The following UMAD1 variants were observed in gnomAD, a reference collection of about 807,000 sequenced individuals.
The protein encoded by UMAD1 is UBAP1-MVB12-associated (UMA) domain containing 1, also known as UBAP1-MVB12-associated (UMA)-domain containing protein 1.
Under a neutral mutation model 6.1 loss-of-function variants are expected in UMAD1, and 8 were observed. That is an observed-to-expected ratio of 1.30 (90% confidence interval 0.76 to 2.35). The LOEUF (loss-of-function observed/expected upper bound fraction) is 2.35. Ranked by LOEUF, UMAD1 falls within the 30% of genes most tolerant of loss-of-function variation. UMAD1 has a pLI of 0.00. For missense variants in UMAD1, 130 were observed against 78.4 expected (o/e 1.66, Z -2.49); for synonymous variants, 56 against 31.4 (o/e 1.78, Z -2.61).
intron 2 of UMAD1, among the ~76,000 whole-genome samples, chr7:7,790,851 A>G (rs1368508906): frequency 6.6e-6 from 1 of 152,046 alleles, no homozygotes; most frequent in Non-Finnish European, 1.5e-5. Flanking sequence ...TTGGCTTCTG[A>G]TTATTACATG....
intron 1 of UMAD1, among the ~76,000 whole-genome samples, chr7:7,663,221 A>G (rs1483868745): frequency 7.4e-6 from 1 of 134,746 alleles, no homozygotes; most frequent in African/African-American, 2.7e-5. Context: ...TAAATTGTTT[A>G]CTTCCACTCA....
Position 7,838,969 on chromosome 7 carries a change from G to A in UMAD1, c.156+37226G>A, listed in dbSNP as rs148033210. 3.2e-3 allele frequency among the ~76,000 whole-genome samples: 488 copies of A among 152,124 alleles called. 2 individuals are homozygous for A. The highest frequency in any genetic ancestry group is 0.011 in the African/African-American group (463 of 41,536). On this transcript the variant is annotated intron_variant, in intron 3 of 3. Coordinates refer to ENST00000682710, the MANE Select transcript of UMAD1 (RefSeq NM_001302348.2). Reference sequence around the variant, plus strand: ...AAAGAAGAGCAAAACAAGAATAAACGCAAAATTCAGATTAGCATTTACTTT... The same window carrying A: ...AAAGAAGAGCAAAACAAGAATAAACACAAAATTCAGATTAGCATTTACTTT...
chr7:7,715,758 G>T lies in UMAD1; in HGVS notation c.82+42305G>T, dbSNP rs146916971. On this transcript the variant is annotated intron_variant, in intron 2 of 3. Coordinates refer to ENST00000682710, the MANE Select transcript of UMAD1 (RefSeq NM_001302348.2). ...TCAGAGTATGTAAAGAGATGTAAAAGATGTAAGAAAGAGTTTTGAGTTTTA... is the reference window on the plus strand; with the variant it reads ...TCAGAGTATGTAAAGAGATGTAAAATATGTAAGAAAGAGTTTTGAGTTTTA... Among the ~76,000 whole-genome samples, 328 of 152,246 alleles carry T rather than the reference G, an allele frequency of 2.2e-3. 2 individuals carry two copies. The highest frequency in any genetic ancestry group is 3.5e-3 in the Non-Finnish European group (238 of 68,006).
At chr7:7,815,523 A>G (rs908858346) in intron 3 of UMAD1, among the ~76,000 whole-genome samples, 1 of 152,178 alleles carries the variant, frequency 6.6e-6, no homozygotes, top group Non-Finnish European at 1.5e-5. Context: ...GAAGGTAGTT[A>G]AAGTATTGAT....
chr7:7,854,605 T>C (rs1783980511), intron 3 of UMAD1, among the ~76,000 whole-genome samples: 1 of 152,078 alleles, frequency 6.6e-6, no homozygotes, highest in Non-Finnish European at 1.5e-5. Flanking sequence ...CACTGTGTCC[T>C]TCCCACAACA....
chr7:7,799,891 G>C (rs987048061), intron 2 of UMAD1, among the ~76,000 whole-genome samples: 3 of 152,128 alleles, frequency 2.0e-5, no homozygotes, highest in African/African-American at 7.2e-5. Flanking sequence ...TCTTGTCACT[G>C]TTTTTATCTG....
rs1216633225 is a variant in UMAD1, at chr7:7,801,661, A to G, written c.83-9A>G. On this transcript the variant is annotated splice_polypyrimidine_tract_variant and intron_variant, in intron 2 of 3. Coordinates refer to ENST00000682710, the MANE Select transcript of UMAD1 (RefSeq NM_001302348.2). ...AGTTTTAAAAATAGACATATATTTT[A>G]CTTCATAGGAGATACAACAGATGAG... is the stretch of plus-strand genomic sequence containing the variant. 1.4e-6 allele frequency: 1 copy of G among 716,010 alleles called. No individual in the cohort carries two copies. Among genetic ancestry groups the G allele is most frequent in the Non-Finnish European group, 2.6e-6 (1 of 384,646 alleles). The allele number at this position is 716,010 out of a possible 1,614,324, so 44.4% of individuals were successfully genotyped here.
At chr7:7,657,979 C>A (rs1352278845) in intron 1 of UMAD1, among the ~76,000 whole-genome samples, 1 of 152,054 alleles carries the variant, frequency 6.6e-6, no homozygotes, top group African/African-American at 2.4e-5. Context: ...GTGTCCTCTC[C>A]TATTTCCTTG....
At chr7:7,659,585 G>T (rs1284045811) in intron 1 of UMAD1, among the ~76,000 whole-genome samples, 14 of 152,174 alleles carry the variant, frequency 9.2e-5, no homozygotes, top group Non-Finnish European at 2.1e-4. Context: ...ACAGGAGCAG[G>T]TTGTTCAGTT....
At chr7:7,704,491 C>A (rs1164481046) in intron 2 of UMAD1, among the ~76,000 whole-genome samples, 4 of 150,830 alleles carry the variant, frequency 2.7e-5, no homozygotes, top group Admixed American at 2.7e-4. Flanking sequence ...CGCGGTGGCT[C>A]ATGCCTGTAA....
At chr7:7,875,419 T>G (rs1257802504) in intron 3 of UMAD1, among the ~76,000 whole-genome samples, 4 of 152,016 alleles carry the variant, frequency 2.6e-5, no homozygotes, top group Admixed American at 1.3e-4. Context: ...TTTTGAAAGA[T>G]TAACAAAATA....
chr7:7,716,777 C>T (rs1040242635), intron 2 of UMAD1, among the ~76,000 whole-genome samples: 1 of 152,194 alleles, frequency 6.6e-6, no homozygotes. Context: ...AACCCCGTCT[C>T]TACTAAAAGC....
chr7:7,874,811 G>A lies in UMAD1; in HGVS notation c.157-2470G>A, dbSNP rs1424340536. Among the ~76,000 whole-genome samples the A allele has an allele frequency of 2.0e-5, 3 of 152,186 alleles. No homozygotes were observed. The East Asian group carries it at 5.8e-4, about 29-fold the overall frequency. On this transcript the variant is annotated intron_variant, in intron 3 of 3. Transcript: ENST00000682710. The stretch of plus-strand genomic sequence containing the variant: ...AAGGATAGTGATTGACAGGACGGGG[G>A]TTGATTGTGACTGCAAGAGAACACC...
At chr7:7,772,348 C>T (rs772333175) in intron 2 of UMAD1, 1 of 152,188 alleles carries the variant, frequency 6.6e-6, no homozygotes, top group Non-Finnish European at 1.5e-5. Flanking sequence ...TCTCCACATA[C>T]GGTATGTTCT....
intron 2 of UMAD1, among the ~76,000 whole-genome samples, chr7:7,716,135 G>C (rs567837941): frequency 5.9e-5 from 9 of 152,274 alleles, no homozygotes. Flanking sequence ...ATCTAAATAT[G>C]AAGAGGAGGA....
At chr7:7,769,292 A>C (rs1020794276) in intron 2 of UMAD1, among the ~76,000 whole-genome samples, 1 of 152,182 alleles carries the variant, frequency 6.6e-6, no homozygotes, top group African/African-American at 2.4e-5. Context: ...CTTCCATAAA[A>C]ATCTCAAAAA....
intron 3 of UMAD1, among the ~76,000 whole-genome samples, chr7:7,823,313 G>A (rs1310702801): frequency 6.6e-6 from 1 of 152,000 alleles, no homozygotes; most frequent in African/African-American, 2.4e-5. Flanking sequence ...AAAATTACTG[G>A]ATGCCCAGTT....
At chr7:7,793,642 T>A (rs1162702922) in intron 2 of UMAD1, among the ~76,000 whole-genome samples, 1 of 152,170 alleles carries the variant, frequency 6.6e-6, no homozygotes, top group African/African-American at 2.4e-5. Flanking sequence ...CAGAATGCAG[T>A]CACATACTGC....
chr7:7,819,905 A>G (rs1382619020), intron 3 of UMAD1, among the ~76,000 whole-genome samples: 4 of 152,222 alleles, frequency 2.6e-5, no homozygotes, highest in Admixed American at 2.0e-4. Context: ...TCTGTTCTCC[A>G]TATCTGAAAA....
Sources: gnomAD v4.1 joint callset for allele counts (sites outside exome capture counted in the v4.1 genomes callset) on GRCh38, gnomAD v4.1.1 for gene constraint, MANE v1.5 for transcripts, NCBI Gene and HGNC (gene_info 2026-07-23, HGNC 2026-07-21) for gene names.